Variants in SPTBN4 observed in about 807,000 individuals in gnomAD.
SPTBN4 encodes spectrin beta chain, non-erythrocytic 4.
SPTBN4 carries 96 observed loss-of-function variants against 277.8 expected under a neutral mutation model. The observed-to-expected ratio is 0.35, with a 90% CI of 0.29 to 0.41. SPTBN4 has a LOEUF of 0.41. SPTBN4 is among the 10% of genes least tolerant of loss of function. The probability of loss-of-function intolerance (pLI) is 1.00; values close to 1 mark genes in which losing one functional copy is unlikely to be tolerated. For missense variants in SPTBN4, 3,006 were observed against 3,595.7 expected, an observed-to-expected ratio of 0.84 and a Z score of 4.19; for synonymous variants, 1,481 against 1,580.3, an observed-to-expected ratio of 0.94 and a Z score of 1.49.
Position 40,502,547 on chromosome 19 carries a change from T to C in SPTBN4, c.1203+40T>C, listed in dbSNP as rs1219571228. 6.4e-7 allele frequency: 1 copy of C among 1,564,578 alleles called. No homozygotes were observed. Among genetic ancestry groups the C allele is most frequent in the East Asian group, 2.2e-5 (1 of 44,604 alleles). On this transcript the variant is annotated intron_variant, in intron 10 of 35. Transcript: ENST00000598249. This position sits in a 1 kb window ranked among gnomAD's most constrained non-coding sequence, Gnocchi z 4.9. ...GCAGGGGAGAGGCGGGGTTGCACTGTGGAGTTGTATAGGTTGCACACTGCT... is the reference window on the plus strand; with the variant it reads ...GCAGGGGAGAGGCGGGGTTGCACTGCGGAGTTGTATAGGTTGCACACTGCT...
chr19:40,559,806 A>T (rs2081023163), intron 26 of SPTBN4, among the ~76,000 whole-genome samples: 2 of 151,724 alleles, frequency 1.3e-5, no homozygotes, highest in Admixed American at 6.6e-5. Context: ...AAACTGAGTT[A>T]AAAAAAAATT....
In SPTBN4 at chr19:40,495,446, C is replaced by G. The variant is rs529444371; in HGVS notation, c.668+469C>G. On this transcript the variant is annotated intron_variant, in intron 6 of 35. Coordinates refer to ENST00000598249, the MANE Select transcript of SPTBN4 (RefSeq NM_020971.3). ...TCACCTGATGTTAGGAGTTCAAGAC[C>G]AGCCTGGCCAACATGGCAAAACCCC... Among the ~76,000 whole-genome samples, 8 of 152,198 alleles carry G rather than the reference C, an allele frequency of 5.3e-5. No homozygotes were observed. In the South Asian group the frequency reaches 1.5e-3, roughly 28 times the overall value.
At chr19:40,473,356 T>TTTTC (rs1555808347) in intron 2 of SPTBN4, among the ~76,000 whole-genome samples, 3 of 137,622 alleles carry the variant, frequency 2.2e-5, no homozygotes, top group Admixed American at 7.3e-5. Context: ...GGCCTGGTGT[T>TTTTC]TTTTTTTTTT....
At chr19:40,571,711 A>G (rs1204196055) in intron 33 of SPTBN4, 5 of 261,126 alleles carry the variant, frequency 1.9e-5, no homozygotes, top group Non-Finnish European at 2.2e-5. Flanking sequence ...ATGAGTGGGG[A>G]GGATTGAGTG....
In SPTBN4 at chr19:40,480,623, G is replaced by C. The variant is rs140679531; in HGVS notation, c.170-7074G>C. On this transcript the variant is annotated intron_variant, in intron 2 of 35. Transcript: ENST00000598249. ...ATTATTCACTCAACATTATGCTTGT[G>C]GGAGATTCATCCATGTCTCCCTGTG... Among the ~76,000 whole-genome samples the C allele has an allele frequency of 7.3e-3, 1,108 of 152,250 alleles. 10 individuals carry two copies. Among genetic ancestry groups the C allele is most frequent in the African/African-American group, 0.025 (1,044 of 41,538 alleles).
Position 40,502,593 on chromosome 19 carries a change from T to C in SPTBN4, c.1203+86T>C. 1.4e-6 allele frequency: 2 copies of C among 1,439,540 alleles called. No homozygotes were observed. The highest frequency in any genetic ancestry group is 1.8e-4 in the Middle Eastern group (1 of 5,526). The allele number at this position is 1,439,540 out of a possible 1,614,324, so 89.2% of individuals were successfully genotyped here. Reference sequence around the variant, plus strand: ...CTGCTCAAGGGAATCATTCACATTGTAGACATGATGGATTAGATATTCATT... The same window carrying C: ...CTGCTCAAGGGAATCATTCACATTGCAGACATGATGGATTAGATATTCATT... On this transcript the variant is annotated intron_variant, in intron 10 of 35. Transcript: ENST00000598249. This position sits in a 1 kb window ranked among gnomAD's most constrained non-coding sequence, Gnocchi z 4.9.
chr19:40,549,524 G>C (rs989436301), intron 21 of SPTBN4, 111 bp downstream of exon 21: 11 of 799,938 alleles, frequency 1.4e-5, no homozygotes, highest in Admixed American at 3.5e-5. Context: ...CCACTCATAC[G>C]CTGAAAGACG....
chr19:40,522,617 G>A (rs1490521899), intron 16 of SPTBN4, among the ~76,000 whole-genome samples: 1 of 151,922 alleles, frequency 6.6e-6, no homozygotes, highest in African/African-American at 2.4e-5. Context: ...CTCCCAAAGT[G>A]CTGGGATTAC....
At chr19:40,493,093 G>A in intron 5 of SPTBN4, 39 bp downstream of exon 5, 12 of 1,591,792 alleles carry the variant, frequency 7.5e-6, no homozygotes, top group Non-Finnish European at 1.0e-5. Flanking sequence ...GGTTAGGCAA[G>A]TGGTCCCCTA....
Position 40,473,103 on chromosome 19 carries a change from G to T in SPTBN4, c.169+313G>T, listed in dbSNP as rs572747270. ...ATTCTGTTGCCCCGGCTGGGGTGTA[G>T]TGGTGAGATCTTGGGTCACTGCAAT... On this transcript the variant is annotated intron_variant, in intron 2 of 35. Coordinates refer to ENST00000598249, the MANE Select transcript of SPTBN4 (RefSeq NM_020971.3). Among the ~76,000 whole-genome samples the T allele has an allele frequency of 1.4e-3, 212 of 152,194 alleles. 1 individual carries two copies. The highest frequency in any genetic ancestry group is 4.9e-3 in the African/African-American group (202 of 41,538).
At chr19:40,556,428 A>G in intron 25 of SPTBN4, 140 bp downstream of exon 25, 1 of 736,822 alleles carries the variant, frequency 1.4e-6, no homozygotes, top group Non-Finnish European at 2.2e-6. Flanking sequence ...AATATAACGT[A>G]AAGCACTGAG....
At chr19:40,545,906 G>T (rs922731059) in intron 20 of SPTBN4, among the ~76,000 whole-genome samples, 9 of 152,114 alleles carry the variant, frequency 5.9e-5, no homozygotes, top group African/African-American at 9.7e-5. Flanking sequence ...AGTCAGGCGT[G>T]GTGGTGGGCA....
At chr19:40,469,540 G>T (rs2079861661) in intron 1 of SPTBN4, among the ~76,000 whole-genome samples, 2 of 151,972 alleles carry the variant, frequency 1.3e-5, no homozygotes, top group African/African-American at 4.8e-5. Context: ...TAGGATTACA[G>T]GTGTGAGCCA....
chr19:40,517,580 C>G lies in SPTBN4; in HGVS notation c.2904-1821C>G, dbSNP rs567158434. On this transcript the variant is annotated intron_variant, in intron 15 of 35. Transcript: ENST00000598249. ...CAAGTGCTGGAATTACAGGCATGAGCCACTCTGCCCCACCCAAAGACTACG... is the reference window on the plus strand; with the variant it reads ...CAAGTGCTGGAATTACAGGCATGAGGCACTCTGCCCCACCCAAAGACTACG... Among the ~76,000 whole-genome samples, 9 of 152,332 alleles carry G rather than the reference C, an allele frequency of 5.9e-5. No homozygotes were observed. The South Asian group carries it at 1.9e-3, about 32-fold the overall frequency.
In SPTBN4 at chr19:40,513,348, G is replaced by T; in HGVS notation, c.2559G>T (p.Gln853His). The change falls in exon 14 of 36, where the codon CAG (glutamine) becomes CAT (histidine). Residue 853 changes from glutamine (Q) to histidine (H), a missense_variant. By Grantham distance (24) the Gln-to-His change is conservative. This residue lies in a region of SPTBN4 where 1,759 missense variants were observed against 2,061.5 expected (regional missense o/e 0.85). Coordinates refer to ENST00000598249, the MANE Select transcript of SPTBN4 (RefSeq NM_020971.3). Reference protein sequence around the residue: ...SGAGPLVVALQVRVVEAEQLF... With the variant: ...SGAGPLVVALHVRVVEAEQLF... Reference sequence around the variant, plus strand: ...CAGGGCCACTGGTGGTGGCGCTGCAGGTGCGCGTGGTGGAAGCAGAGCAGT... The same window carrying T: ...CAGGGCCACTGGTGGTGGCGCTGCATGTGCGCGTGGTGGAAGCAGAGCAGT... The T allele has an allele frequency of 6.3e-7, 1 of 1,592,798 alleles. No homozygotes were observed.
chr19:40,504,508 A>G (rs2080301762), intron 12 of SPTBN4, among the ~76,000 whole-genome samples: 1 of 152,086 alleles, frequency 6.6e-6, no homozygotes, highest in African/African-American at 2.4e-5. Flanking sequence ...CTCTACTAAA[A>G]ATACAAAACA....
At chr19:40,487,039 T>TGCTGAGGCTGGA (rs200542615) in intron 2 of SPTBN4, among the ~76,000 whole-genome samples, 1 of 149,742 alleles carries the variant, frequency 6.7e-6, no homozygotes, top group African/African-American at 2.4e-5. Flanking sequence ...GAGGCTGGAC[T>TGCTGAGGCTGGA]CTCTTTTTTT....
At position 40,523,516 on chromosome 19, in the gene SPTBN4, T is replaced by G; in HGVS notation, c.3734T>G (p.Leu1245Arg). 6.2e-7 allele frequency: 1 copy of G among 1,614,122 alleles called. No homozygotes were observed. The highest frequency in any genetic ancestry group is 8.5e-7 in the Non-Finnish European group (1 of 1,180,018). Residue 1245 changes from leucine (L) to arginine (R), a missense_variant, in exon 17 of 36, where the codon CTC becomes CGC. This residue lies in a region of SPTBN4 where 1,759 missense variants were observed against 2,061.5 expected (regional missense o/e 0.85). Transcript: ENST00000598249. ...GCCTTGAAACAGCACCGTGACTTTC[T>G]CACCACCATGGAGCTGAGCCAGCAA... is the stretch of plus-strand genomic sequence containing the variant. ...EEALKQHRDFLTTMELSQQKM... is the reference protein window; with the variant it reads ...EEALKQHRDFRTTMELSQQKM...
intron 12 of SPTBN4, among the ~76,000 whole-genome samples, chr19:40,505,751 GAAGAAAGA>G (rs561514212): frequency 9.0e-5 from 13 of 144,168 alleles, no homozygotes; most frequent in Admixed American, 4.2e-4. Flanking sequence ...AGGAAGGAAG[GAAGAAAGA>G]AAGGTGAACA....
Sources: gnomAD v4.1 joint callset for allele counts (sites outside exome capture counted in the v4.1 genomes callset) on GRCh38, gnomAD v4.1.1 for gene constraint, gnomAD v4.1.1 regional missense constraint, Gnocchi (gnomAD v3.1) non-coding constraint, MANE v1.5 for transcripts, NCBI Gene and HGNC (gene_info 2026-07-23, HGNC 2026-07-21) for gene names.